Variants in ERP27 observed in about 807,000 individuals in gnomAD.
ERP27 encodes the protein endoplasmic reticulum protein 27, also known as endoplasmic reticulum resident protein 27.
Under a neutral mutation model 27.7 loss-of-function variants are expected in ERP27, and 23 were observed. The observed-to-expected ratio is 0.83, with a 90% CI of 0.60 to 1.18. ERP27 has a LOEUF of 1.18. ERP27 is among the 50% of genes most tolerant of loss of function. ERP27 has a pLI of 0.00. For missense variants in ERP27, 363 were observed against 327.9 expected (o/e 1.11, Z -0.83); for synonymous variants, 159 against 118.3 (o/e 1.34, Z -2.23).
chr12:14,929,516 G>GA (rs2120603435), intron 3 of ERP27, among the ~76,000 whole-genome samples: 1 of 152,248 alleles, frequency 6.6e-6, no homozygotes, highest in South Asian at 2.1e-4. Context: ...CCAAGAGTTG[G>GA]AAAAACCTTT....
chr12:14,916,280 A>G (rs764629029), intron 5 of ERP27, among the ~76,000 whole-genome samples: 1 of 152,194 alleles, frequency 6.6e-6, no homozygotes, highest in Non-Finnish European at 1.5e-5. Context: ...TTTAGTGATT[A>G]CCTAAGAAAG....
intron 4 of ERP27, among the ~76,000 whole-genome samples, chr12:14,919,878 T>A (rs1419402109): frequency 6.6e-6 from 1 of 152,256 alleles, no homozygotes; most frequent in East Asian, 1.9e-4. Context: ...TGACTTTGAA[T>A]AATGTTATCA....
chr12:14,917,375 T>G (rs1448872431), intron 4 of ERP27, 72 bp from the exon 5 acceptor site: 36 of 1,570,614 alleles, frequency 2.3e-5, no homozygotes, highest in African/African-American at 5.4e-5. Flanking sequence ...AAGGAGTGAA[T>G]AGGTAGATTG....
intron 3 of ERP27, among the ~76,000 whole-genome samples, chr12:14,922,283 C>T (rs1863516756): frequency 6.6e-6 from 1 of 152,090 alleles, no homozygotes; most frequent in Non-Finnish European, 1.5e-5. Flanking sequence ...TGCTCCACAT[C>T]CTTGTCAACA....
At chr12:14,937,794 AAG>A (rs1305765292) in intron 2 of ERP27, among the ~76,000 whole-genome samples, 156 bp downstream of exon 2, 1 of 152,262 alleles carries the variant, frequency 6.6e-6, no homozygotes, top group Non-Finnish European at 1.5e-5. Flanking sequence ...TCTTGAAAAT[AAG>A]AGGTCCCAAT....
Position 14,928,108 on chromosome 12 carries a change from C to T in ERP27, c.333+6748G>A, listed in dbSNP as rs116552694. Among the ~76,000 whole-genome samples, 133 of 152,288 alleles carry T rather than the reference C, an allele frequency of 8.7e-4. 1 individual carries two copies. The highest frequency in any genetic ancestry group is 3.2e-3 in the African/African-American group (131 of 41,562). On this transcript the variant is annotated intron_variant, in intron 3 of 6. Coordinates refer to ENST00000266397, the MANE Select transcript of ERP27 (RefSeq NM_152321.4). ...AATAGTTTGCATCACTTTTGAGATC[C>T]TTAGGCCATCTGCTCTTGGACATCT...
chr12:14,916,834 T>A (rs772697726), intron 5 of ERP27, among the ~76,000 whole-genome samples: 11 of 152,146 alleles, frequency 7.2e-5, no homozygotes, highest in Non-Finnish European at 1.3e-4. Flanking sequence ...AAATGAGCCC[T>A]GAGGTCTAAA....
At chr12:14,915,452 A>G (rs1863393152) in intron 6 of ERP27, 37 bp downstream of exon 6, 1 of 1,596,898 alleles carries the variant, frequency 6.3e-7, no homozygotes, top group Non-Finnish European at 8.6e-7. Context: ...GGACATAGAA[A>G]GAAAACAATT....
chr12:14,916,208 T>G (rs1863409093), intron 5 of ERP27, among the ~76,000 whole-genome samples: 1 of 152,214 alleles, frequency 6.6e-6, no homozygotes, highest in Non-Finnish European at 1.5e-5. Flanking sequence ...TTTGTGTTGC[T>G]TTGATGTTTT....
intron 6 of ERP27, among the ~76,000 whole-genome samples, chr12:14,915,218 C>T (rs1177362105): frequency 6.6e-6 from 1 of 152,170 alleles, no homozygotes; most frequent in African/African-American, 2.4e-5. Context: ...TTAGCATATC[C>T]ATTGCTTCAA....
At chr12:14,926,154 A>G (rs1211156486) in intron 3 of ERP27, among the ~76,000 whole-genome samples, 1 of 152,220 alleles carries the variant, frequency 6.6e-6, no homozygotes, top group African/African-American at 2.4e-5. Context: ...CTGCTTATAT[A>G]GTATCAGTAC....
At chr12:14,937,664 G>T (rs1184761213) in intron 2 of ERP27, among the ~76,000 whole-genome samples, 1 of 152,200 alleles carries the variant, frequency 6.6e-6, no homozygotes, top group Non-Finnish European at 1.5e-5. Context: ...TTCCATGAAG[G>T]CATTCTTTCT....
chr12:14,930,237 T>C (rs1185691995), intron 3 of ERP27, among the ~76,000 whole-genome samples: 1 of 152,200 alleles, frequency 6.6e-6, no homozygotes, highest in Non-Finnish European at 1.5e-5. Context: ...ACATATCTTC[T>C]TGCATTTCTT....
chr12:14,915,716 TTCTA>T (rs1863400624), intron 5 of ERP27, 30 bp from the exon 6 acceptor site: 2 of 1,603,392 alleles, frequency 1.2e-6, no homozygotes, highest in African/African-American at 2.7e-5. Context: ...AAAGAAAAAG[TTCTA>T]TCTGAGGTGA....
At chr12:14,928,831 A>G (rs1196431369) in intron 3 of ERP27, 1 of 1,079,944 alleles carries the variant, frequency 9.3e-7, no homozygotes. Context: ...CCACCCTCCT[A>G]CCACCTCCTT....
intron 4 of ERP27, among the ~76,000 whole-genome samples, chr12:14,918,163 C>T (rs1443382601): frequency 6.6e-6 from 1 of 152,162 alleles, no homozygotes; most frequent in African/African-American, 2.4e-5. Context: ...GAAATTGAGG[C>T]ATAGATAGAC....
At chr12:14,916,865 G>A (rs1400495334) in intron 5 of ERP27, among the ~76,000 whole-genome samples, 1 of 152,070 alleles carries the variant, frequency 6.6e-6, no homozygotes, top group Non-Finnish European at 1.5e-5. Flanking sequence ...ATTATGGGAA[G>A]GATTAAACAA....
At position 14,914,736 on chromosome 12, in the gene ERP27, C is replaced by CA; in HGVS notation, c.820dup (p.Ter274LeufsTer28). On this transcript the variant is annotated frameshift_variant and stop_lost, in exon 7 of 7. Transcript: ENST00000266397. LOFTEE classifies it high-confidence loss of function. ...GCCATATGTAGTTCCAAGGAGAAGT[C>CA]AGAGTTCCACCTTTGGAGTCTTTCC... The CA allele has an allele frequency of 3.7e-6, 6 of 1,613,250 alleles. No individual in the cohort carries two copies. Among genetic ancestry groups the CA allele is most frequent in the South Asian group, 1.1e-5 (1 of 90,878 alleles).
intron 4 of ERP27, among the ~76,000 whole-genome samples, chr12:14,919,697 C>A (rs1175760078): frequency 6.6e-6 from 1 of 152,198 alleles, no homozygotes; most frequent in East Asian, 1.9e-4. Context: ...GCAAGGGCAA[C>A]TACATAGGCT....
Sources: gnomAD v4.1 joint callset for allele counts (sites outside exome capture counted in the v4.1 genomes callset) on GRCh38, gnomAD v4.1.1 for gene constraint, MANE v1.5 for transcripts, NCBI Gene and HGNC (gene_info 2026-07-23, HGNC 2026-07-21) for gene names.